The following SH3PXD2B variants were observed in gnomAD, a reference collection of about 807,000 sequenced individuals.
SH3PXD2B encodes the protein SH3 and PX domain-containing protein 2B.
In SH3PXD2B, 37 loss-of-function variants were observed where a neutral mutation model predicts 73.1. That is an observed-to-expected ratio of 0.51 (90% CI 0.39 to 0.67). The LOEUF is 0.67. Among genes scored for constraint, SH3PXD2B ranks in the 30% least tolerant of loss-of-function variants. The pLI, the probability that SH3PXD2B is intolerant of heterozygous loss-of-function variation, is 0.00. For missense variants in SH3PXD2B, 1,053 were observed against 1,197.8 expected, an observed-to-expected ratio of 0.88 and a Z score of 1.78; for synonymous variants, 457 against 480.5, an observed-to-expected ratio of 0.95 and a Z score of 0.64.
intron 2 of SH3PXD2B, among the ~76,000 whole-genome samples, chr5:172,422,175 C>T (rs539030992): frequency 2.0e-5 from 3 of 152,106 alleles, no homozygotes; most frequent in African/African-American, 4.8e-5. Flanking sequence ...TTGTATTTTT[C>T]GTAGAGACGG....
At chr5:172,355,704 C>T (rs1009968795) in intron 8 of SH3PXD2B, among the ~76,000 whole-genome samples, 23 of 152,024 alleles carry the variant, frequency 1.5e-4, no homozygotes, top group Non-Finnish European at 2.2e-4. Context: ...GCCACCACGC[C>T]CGGCTAATTT....
At chr5:172,410,084 G>GT in intron 2 of SH3PXD2B, among the ~76,000 whole-genome samples, 1 of 152,218 alleles carries the variant, frequency 6.6e-6, no homozygotes, top group Non-Finnish European at 1.5e-5. Context: ...CTTGGCTGCT[G>GT]TGACTAGAGC....
At chr5:172,433,876 T>G (rs1581336413) in intron 1 of SH3PXD2B, among the ~76,000 whole-genome samples, 2 of 152,246 alleles carry the variant, frequency 1.3e-5, no homozygotes, top group East Asian at 1.9e-4. Flanking sequence ...TGAGGGCAAA[T>G]GTTCACTGAA....
At chr5:172,328,019 T>G (rs1442099345) in intron 12 of SH3PXD2B, among the ~76,000 whole-genome samples, 1 of 151,212 alleles carries the variant, frequency 6.6e-6, no homozygotes, top group Non-Finnish European at 1.5e-5. Flanking sequence ...TTTCCCAAAG[T>G]GCTGGGATTA....
At chr5:172,402,819 C>T (rs1443568745) in intron 3 of SH3PXD2B, among the ~76,000 whole-genome samples, 1 of 152,248 alleles carries the variant, frequency 6.6e-6, no homozygotes, top group Non-Finnish European at 1.5e-5. Flanking sequence ...TGCAAAGGGG[C>T]AATTACTTTA....
rs1756432396 is a variant in SH3PXD2B, at chr5:172,325,578, T to G, written c.1189-198A>C. The stretch of plus-strand genomic sequence containing the variant: ...AGGCCTTGGCATGTGGTGATGGCCT[T>G]CTCGCTGGGTCCTCACGTGGTGAAA... On this transcript the variant is annotated intron_variant, in intron 12 of 12. Transcript: ENST00000519643. Among the ~76,000 whole-genome samples, 8 of 152,168 alleles carry G rather than the reference T, an allele frequency of 5.3e-5. No homozygotes were observed. The South Asian group carries it at 1.7e-3, about 31-fold the overall frequency.
At chr5:172,427,161 CT>C (rs1224098530) in intron 1 of SH3PXD2B, among the ~76,000 whole-genome samples, 1 of 152,164 alleles carries the variant, frequency 6.6e-6, no homozygotes, top group Non-Finnish European at 1.5e-5. Flanking sequence ...CATCATTCAG[CT>C]CTAAAAAGAG....
Position 172,382,147 on chromosome 5 carries a change from G to A in SH3PXD2B, c.310-20C>T. ...GAGGGCCTGGAGAAGAGAGACGCAG[G>A]TGAGTGCAAAGGAGGAGAGGGGGCT... On this transcript the variant is annotated intron_variant, in intron 4 of 12. Coordinates refer to ENST00000311601, the MANE Select transcript of SH3PXD2B (RefSeq NM_001017995.3). 9 of 1,588,612 alleles carry A rather than the reference G, an allele frequency of 5.7e-6. No individual in the cohort carries two copies. The highest frequency in any genetic ancestry group is 7.7e-6 in the Non-Finnish European group (9 of 1,166,282).
chr5:172,452,715 A>G (rs1177981115), intron 1 of SH3PXD2B, among the ~76,000 whole-genome samples: 2 of 152,190 alleles, frequency 1.3e-5, no homozygotes, highest in African/African-American at 4.8e-5. Flanking sequence ...GGTGGCATGG[A>G]GAATTCCAGA....
chr5:172,422,376 T>C (rs1008333837), intron 2 of SH3PXD2B, 40 bp downstream of exon 2: 4 of 1,545,392 alleles, frequency 2.6e-6, no homozygotes, highest in East Asian at 2.3e-5. Context: ...AATTAAACTC[T>C]TTCCGATCCT....
At chr5:172,326,857 A>ATTTTTT (rs1175095358) in intron 12 of SH3PXD2B, among the ~76,000 whole-genome samples, 10 of 135,614 alleles carry the variant, frequency 7.4e-5, no homozygotes, top group African/African-American at 2.2e-4. Flanking sequence ...ATGTCTCAAG[A>ATTTTTT]TTTTTTTTTT....
Position 172,346,208 on chromosome 5 carries a change from C to T in SH3PXD2B, c.1116G>A (p.Glu372=), listed in dbSNP as rs1581263763. The T allele has an allele frequency of 6.2e-7, 1 of 1,614,166 alleles. No homozygotes were observed. The highest frequency in any genetic ancestry group is 2.2e-5 in the East Asian group (1 of 44,868). The change falls in exon 12 of 13, where the codon GAG becomes GAA. Residue 372 remains glutamate, a synonymous_variant. Coordinates refer to ENST00000311601, the MANE Select transcript of SH3PXD2B (RefSeq NM_001017995.3). ...KPPIPPQVEE[E]YYTIAEFQTT... ...TCTGGAATTCGGCGATGGTGTAATA[C>T]TCTTCCTCCACTTGGGGCGGGATGG...
At position 172,353,616 on chromosome 5, in the gene SH3PXD2B, G is replaced by A. The variant is rs1416867276; in HGVS notation, c.785+272C>T. Among the ~76,000 whole-genome samples, 1 of 152,198 alleles carries A rather than the reference G, an allele frequency of 6.6e-6. No individual in the cohort carries two copies. Among genetic ancestry groups the A allele is most frequent in the Non-Finnish European group, 1.5e-5 (1 of 68,030 alleles). On this transcript the variant is annotated intron_variant, in intron 9 of 12. Coordinates refer to ENST00000311601, the MANE Select transcript of SH3PXD2B (RefSeq NM_001017995.3). The surrounding 1 kb of genome is among the most constrained non-coding windows in gnomAD (Gnocchi z 4.3). ...TCCTCATTATGAGAAACATCTGGAG[G>A]TGGAAACCAGCCTTGCTTAATGGGG...
intron 5 of SH3PXD2B, among the ~76,000 whole-genome samples, chr5:172,380,131 C>T (rs1757911223): frequency 6.6e-6 from 1 of 152,140 alleles, no homozygotes; most frequent in Admixed American, 6.5e-5. Flanking sequence ...GATCACTGCT[C>T]ACTGCAGCCT....
intron 4 of SH3PXD2B, among the ~76,000 whole-genome samples, chr5:172,386,520 C>T (rs916014654): frequency 2.6e-5 from 4 of 152,154 alleles, no homozygotes; most frequent in East Asian, 1.9e-4. Context: ...GCAGAGCCTC[C>T]GGTAGGCAGG....
At chr5:172,444,375 C>A (rs1759614845) in intron 1 of SH3PXD2B, among the ~76,000 whole-genome samples, 1 of 152,206 alleles carries the variant, frequency 6.6e-6, no homozygotes, top group Admixed American at 6.5e-5. Context: ...CTTTCCAATA[C>A]ATTCTGTTTG....
At chr5:172,325,361 A>G (rs1401924013) in exon 13 of SH3PXD2B, 1 of 1,535,340 alleles carries the variant, frequency 6.5e-7, no homozygotes, top group Non-Finnish European at 8.7e-7. Context: ...AGGGCTCTCC[A>G]AGTGAACATT....
chr5:172,339,146 C>T lies in SH3PXD2B; in HGVS notation c.1959G>A (p.Glu653=). Residue 653 remains glutamate, a synonymous_variant, in exon 13 of 13, where the codon GAG becomes GAA. Transcript: ENST00000311601. The surrounding 1 kb of genome is among the most constrained non-coding windows in gnomAD (Gnocchi z 6.1). ...CGACTTGGTCTTCGCCCTGAGGTGG[C>T]TCCGTTTTGGGGGAAGGAGCTGGTT... is the stretch of plus-strand genomic sequence containing the variant. ...RPKPAPSPKT[E]PPQGEDQVDI... is the part of the protein sequence containing the mutation. The T allele has an allele frequency of 1.2e-6, 2 of 1,614,216 alleles. No homozygotes were observed. The highest frequency in any genetic ancestry group is 1.7e-6 in the Non-Finnish European group (2 of 1,180,042).
chr5:172,330,373 A>G (rs1242838355), downstream of SH3PXD2B, among the ~76,000 whole-genome samples: 1 of 152,200 alleles, frequency 6.6e-6, no homozygotes, highest in Non-Finnish European at 1.5e-5. Flanking sequence ...GACAGGCATT[A>G]TGGTTCAGGT....
Sources: gnomAD v4.1 joint callset for allele counts (sites outside exome capture counted in the v4.1 genomes callset) on GRCh38, gnomAD v4.1.1 for gene constraint, Gnocchi (gnomAD v3.1) non-coding constraint, MANE v1.5 for transcripts, NCBI Gene and HGNC (gene_info 2026-07-23, HGNC 2026-07-21) for gene names.